Variants in ATRNL1 observed in about 807,000 individuals in gnomAD.
The protein encoded by ATRNL1 is attractin like 1.
ATRNL1 carries 95 observed loss-of-function variants against 182.7 expected under a neutral mutation model. The ratio of observed to expected loss-of-function variants is 0.52; its 90% CI spans 0.44 to 0.62. The LOEUF (loss-of-function observed/expected upper bound fraction) is 0.62, where lower values mean the gene tolerates loss of function less well. Among genes scored for constraint, ATRNL1 ranks in the 20% least tolerant of loss-of-function variants. The pLI is 0.00. For missense variants in ATRNL1, 1,471 were observed against 1,679.5 expected, an observed-to-expected ratio of 0.88 and a Z score of 2.17; for synonymous variants, 576 against 568.3, an observed-to-expected ratio of 1.01 and a Z score of -0.19.
chr10:115,698,880 T>G (rs782672422), intron 26 of ATRNL1, among the ~76,000 whole-genome samples: 9 of 152,148 alleles, frequency 5.9e-5, no homozygotes, highest in Admixed American at 5.2e-4. Flanking sequence ...TGTATTAAGT[T>G]ATTAAATTTT....
chr10:115,362,511 A>G (rs1856796274), intron 19 of ATRNL1, among the ~76,000 whole-genome samples: 1 of 145,758 alleles, frequency 6.9e-6, no homozygotes, highest in African/African-American at 2.8e-5. Flanking sequence ...ACAAGTATGC[A>G]GTACATTGTT....
chr10:115,160,614 G>T (rs937834809), intron 6 of ATRNL1, among the ~76,000 whole-genome samples: 4 of 151,362 alleles, frequency 2.6e-5, no homozygotes, highest in Non-Finnish European at 4.4e-5. Flanking sequence ...ACTTTACTTT[G>T]TATGTGCTTT....
rs868922543 is a variant in ATRNL1 at position 115,627,536 on chromosome 10, T to C, written c.3795+78000T>C. On this transcript the variant is annotated intron_variant, in intron 26 of 28. Coordinates refer to ENST00000355044, the MANE Select transcript of ATRNL1 (RefSeq NM_207303.4). ...CACACAACCGCGCCTGGCTAATTTT[T>C]TGTATTTTTAATAGAGACAGGGTTT... 3.3e-4 allele frequency among the ~76,000 whole-genome samples: 50 copies of C among 152,042 alleles called. 2 individuals carry two copies. The highest frequency in any genetic ancestry group is 6.3e-3 in the Middle Eastern group (2 of 316).
At chr10:115,596,617 T>C (rs11197325) in intron 26 of ATRNL1, among the ~76,000 whole-genome samples, 72,215 of 151,932 alleles carry the variant, frequency 0.48, 17,857 homozygotes, top group Middle Eastern at 0.55. Flanking sequence ...CAAATGTCAG[T>C]GAGCTGAAGG....
At chr10:115,635,551 C>T (rs1858816845) in intron 26 of ATRNL1, among the ~76,000 whole-genome samples, 1 of 152,114 alleles carries the variant, frequency 6.6e-6, no homozygotes, top group South Asian at 2.1e-4. Flanking sequence ...ATTGGTACAA[C>T]TCTTTTTGAT....
rs77520248 is a variant in ATRNL1 at position 115,446,497 on chromosome 10, C to G, written c.3323-15444C>G. Among the ~76,000 whole-genome samples the G allele has an allele frequency of 5.6e-3, 807 of 143,784 alleles. 6 individuals carry two copies. Among genetic ancestry groups the G allele is most frequent in the African/African-American group, 0.02 (746 of 36,888 alleles). 94.3% of individuals were successfully genotyped at this position (143,784 alleles called of 152,430 possible). On this transcript the variant is annotated intron_variant, in intron 21 of 28. Transcript: ENST00000355044. ...ATTTTATTTTCTCTTGACATGTTCCCCATGGGTATTTTAAATAGCTAAAAA... is the reference window on the plus strand; with the variant it reads ...ATTTTATTTTCTCTTGACATGTTCCGCATGGGTATTTTAAATAGCTAAAAA...
chr10:115,456,567 G>T (rs1214340811), intron 21 of ATRNL1, among the ~76,000 whole-genome samples: 1 of 152,062 alleles, frequency 6.6e-6, no homozygotes, highest in African/African-American at 2.4e-5. Context: ...AAACTACCAT[G>T]GCACATGTAT....
intron 14 of ATRNL1, among the ~76,000 whole-genome samples, chr10:115,283,893 T>C (rs1358645252): frequency 2.0e-5 from 3 of 152,190 alleles, no homozygotes; most frequent in Admixed American, 1.3e-4. Flanking sequence ...AGGCTATTAT[T>C]TTGGAAATGT....
chr10:115,661,980 C>T (rs1382303213), intron 26 of ATRNL1, among the ~76,000 whole-genome samples: 1 of 146,414 alleles, frequency 6.8e-6, no homozygotes, highest in East Asian at 2.2e-4. Flanking sequence ...TTCCTGTGTC[C>T]ATGTGTCCTC....
At chr10:115,206,188 T>C (rs1164336936) in intron 8 of ATRNL1, among the ~76,000 whole-genome samples, 1 of 152,128 alleles carries the variant, frequency 6.6e-6, no homozygotes, top group African/African-American at 2.4e-5. Flanking sequence ...GTCATTTAAA[T>C]TGTTGTTCCC....
At chr10:115,403,570 C>T (rs1554957518) in intron 20 of ATRNL1, among the ~76,000 whole-genome samples, 3 of 138,820 alleles carry the variant, frequency 2.2e-5, no homozygotes, top group African/African-American at 8.9e-5. Flanking sequence ...ATTCTCATGC[C>T]TCAGCCTCCT....
At chr10:115,543,122 G>A (rs1228828050) in intron 25 of ATRNL1, among the ~76,000 whole-genome samples, 1 of 150,838 alleles carries the variant, frequency 6.6e-6, no homozygotes, top group African/African-American at 2.4e-5. Flanking sequence ...ACCAGTTTGA[G>A]TTAGGTTTTC....
intron 18 of ATRNL1, among the ~76,000 whole-genome samples, chr10:115,319,478 G>A (rs1470761769): frequency 6.6e-6 from 1 of 152,174 alleles, no homozygotes; most frequent in Non-Finnish European, 1.5e-5. Context: ...AATATTGACA[G>A]TGGGGTGTTA....
chr10:115,733,381 C>T (rs1353472395), intron 27 of ATRNL1, among the ~76,000 whole-genome samples: 2 of 152,108 alleles, frequency 1.3e-5, no homozygotes, highest in African/African-American at 4.8e-5. Context: ...AAGAAGCATA[C>T]GGTAACCTAG....
chr10:115,502,539 T>G (rs1384396600), intron 24 of ATRNL1, among the ~76,000 whole-genome samples: 1 of 152,100 alleles, frequency 6.6e-6, no homozygotes, highest in Non-Finnish European at 1.5e-5. Flanking sequence ...TGAAGCCAAT[T>G]AATTTTTTTT....
rs559130357 is a variant in ATRNL1 at position 115,129,132 on chromosome 10, C to G, written c.621-195C>G. ...AGTAAATCTGTTGAATAAAATAAGACCAACTGCAAATAAATACTAACAATT... is the reference window on the plus strand; with the variant it reads ...AGTAAATCTGTTGAATAAAATAAGAGCAACTGCAAATAAATACTAACAATT... On this transcript the variant is annotated intron_variant, in intron 4 of 28. Coordinates refer to ENST00000355044, the MANE Select transcript of ATRNL1 (RefSeq NM_207303.4). Among the ~76,000 whole-genome samples, 6 of 152,130 alleles carry G rather than the reference C, an allele frequency of 3.9e-5. No homozygotes were observed. In the South Asian group the frequency reaches 1.0e-3, roughly 26 times the overall value.
chr10:115,515,834 C>G (rs1850609284), intron 24 of ATRNL1, among the ~76,000 whole-genome samples: 1 of 151,870 alleles, frequency 6.6e-6, no homozygotes, highest in African/African-American at 2.4e-5. Flanking sequence ...TATTTTCATC[C>G]TCGTCTTAAC....
At chr10:115,643,584 C>T (rs1168664862) in intron 26 of ATRNL1, among the ~76,000 whole-genome samples, 1 of 151,820 alleles carries the variant, frequency 6.6e-6, no homozygotes, top group African/African-American at 2.4e-5. Flanking sequence ...AAAGGATTCT[C>T]AAAACTCAAG....
At chr10:115,290,381 A>G (rs1383401318) in intron 15 of ATRNL1, among the ~76,000 whole-genome samples, 2 of 152,140 alleles carry the variant, frequency 1.3e-5, no homozygotes, top group African/African-American at 4.8e-5. Flanking sequence ...GTTGCCAGGC[A>G]TGGTGGCTCA....
Sources: allele counts gnomAD v4.1 joint callset (sites outside exome capture counted in the v4.1 genomes callset), GRCh38; gene constraint gnomAD v4.1.1; transcripts MANE v1.5; gene names NCBI Gene and HGNC (gene_info 2026-07-23, HGNC 2026-07-21).